SLX4IP: variants seen among roughly 807,000 people sequenced by gnomAD.
SLX4IP encodes the protein protein SLX4IP.
Under a neutral mutation model 32.9 loss-of-function variants are expected in SLX4IP, and 34 were observed. That is an observed-to-expected ratio of 1.03 (90% CI 0.79 to 1.38). The LOEUF is 1.38. SLX4IP is among the 40% of genes most tolerant of loss of function. The probability of loss-of-function intolerance (pLI) is 0.00; values close to 1 mark genes in which losing one functional copy is unlikely to be tolerated. For missense variants in SLX4IP, 444 were observed against 479.0 expected, an observed-to-expected ratio of 0.93 and a Z score of 0.68; for synonymous variants, 172 against 171.7, an observed-to-expected ratio of 1.00 and a Z score of -0.01.
intron 2 of SLX4IP, among the ~76,000 whole-genome samples, chr20:10,512,230 G>T (rs1600946345): frequency 2.0e-5 from 3 of 152,252 alleles, no homozygotes; most frequent in Non-Finnish European, 4.4e-5. Context: ...GCTGGGTTTT[G>T]ACCTTGGCTT....
At chr20:10,464,364 A>C (rs2065363222) in intron 2 of SLX4IP, among the ~76,000 whole-genome samples, 1 of 152,240 alleles carries the variant, frequency 6.6e-6, no homozygotes, top group South Asian at 2.1e-4. Flanking sequence ...GTGTCTATGC[A>C]TTAATATAAA....
chr20:10,550,786 C>A (rs376002584), intron 2 of SLX4IP, among the ~76,000 whole-genome samples: 78 of 152,326 alleles, frequency 5.1e-4, no homozygotes, highest in African/African-American at 1.7e-3. Flanking sequence ...ATTCATTTTT[C>A]CTTCTGCACT....
intron 2 of SLX4IP, among the ~76,000 whole-genome samples, chr20:10,508,439 C>T (rs1600942616): frequency 6.6e-6 from 1 of 152,188 alleles, no homozygotes; most frequent in Non-Finnish European, 1.5e-5. Context: ...AGGCTTATTC[C>T]TTTATTATAT....
chr20:10,475,456 G>A (rs188380899), intron 2 of SLX4IP, among the ~76,000 whole-genome samples: 7 of 152,294 alleles, frequency 4.6e-5, no homozygotes, highest in Admixed American at 6.5e-5. Context: ...AAGGGAGTGT[G>A]ACTGTCTCAG....
Position 10,623,124 on chromosome 20 carries a change from A to C in SLX4IP, c.972A>C (p.Ile324=), listed in dbSNP as rs751674725. Residue 324 remains isoleucine, a synonymous_variant, in exon 8 of 8, where the codon ATA becomes ATC. Transcript: ENST00000334534. ...GSDRLVPREI[I]VEKSKAVRVL... ...ATCGATTAGTCCCGAGAGAAATAAT[A>C]GTGGAAAAAAGCAAAGCTGTCAGGG... The C allele has an allele frequency of 1.9e-6, 3 of 1,614,216 alleles. No homozygotes were observed. Among genetic ancestry groups the C allele is most frequent in the Non-Finnish European group, 2.5e-6 (3 of 1,180,052 alleles).
chr20:10,584,197 A>G (rs1254618688), intron 4 of SLX4IP, among the ~76,000 whole-genome samples: 1 of 152,244 alleles, frequency 6.6e-6, no homozygotes, highest in East Asian at 1.9e-4. Flanking sequence ...AAGAAAACAA[A>G]GAAGGCATGA....
chr20:10,447,127 C>G (rs559220761), intron 1 of SLX4IP, among the ~76,000 whole-genome samples: 2 of 152,248 alleles, frequency 1.3e-5, no homozygotes, highest in South Asian at 4.1e-4. Context: ...TAGATATGAG[C>G]AGTTGTTTGA....
rs58812464 is a variant in SLX4IP at position 10,480,405 on chromosome 20, C to CAA, written c.27+22185_27+22186dup. ...TTTGGAAACAGCAGGACCCTGTTTCCAAAAAAAAAAAAGGAAAATCAGTCC... is the reference window on the plus strand; with the variant it reads ...TTTGGAAACAGCAGGACCCTGTTTCCAAAAAAAAAAAAAAGGAAAATCAGTCC... On this transcript the variant is annotated intron_variant, in intron 2 of 7. Transcript: ENST00000334534. 3.3e-3 allele frequency among the ~76,000 whole-genome samples: 408 copies of CAA among 124,420 alleles called. 3 individuals carry two copies. Among genetic ancestry groups the CAA allele is most frequent in the South Asian group, 0.027 (113 of 4,204 alleles). The allele number at this position is 124,420 out of a possible 152,430, so 81.6% of individuals were successfully genotyped here.
At chr20:10,463,301 A>G (rs1407776726) in intron 2 of SLX4IP, among the ~76,000 whole-genome samples, 2 of 152,328 alleles carry the variant, frequency 1.3e-5, no homozygotes, top group East Asian at 1.9e-4. Context: ...CTTCTCTGCT[A>G]TAGATAATTT....
At chr20:10,542,859 C>T (rs901499438) in intron 2 of SLX4IP, among the ~76,000 whole-genome samples, 1 of 152,164 alleles carries the variant, frequency 6.6e-6, no homozygotes, top group African/African-American at 2.4e-5. Context: ...TTTGCTACCC[C>T]AGATATGCAC....
chr20:10,621,098 G>T (rs1208557842), intron 6 of SLX4IP, among the ~76,000 whole-genome samples: 2 of 152,146 alleles, frequency 1.3e-5, no homozygotes, highest in Admixed American at 6.5e-5. Context: ...TGTTTATGAC[G>T]CATGTTAATG....
At chr20:10,588,135 GA>G (rs199848738) in intron 4 of SLX4IP, among the ~76,000 whole-genome samples, 3 of 149,972 alleles carry the variant, frequency 2.0e-5, no homozygotes, top group Admixed American at 6.6e-5. Flanking sequence ...CAATAGCAAA[GA>G]AAAAAAAGGA....
intron 1 of SLX4IP, among the ~76,000 whole-genome samples, chr20:10,436,320 A>G (rs572918369): frequency 5.3e-5 from 8 of 152,156 alleles, no homozygotes; most frequent in Middle Eastern, 3.4e-3. Flanking sequence ...TTCAAGGAAC[A>G]TTGATTCAGG....
intron 4 of SLX4IP, among the ~76,000 whole-genome samples, chr20:10,572,042 C>G (rs969819682): frequency 3.3e-5 from 5 of 152,162 alleles, no homozygotes; most frequent in Non-Finnish European, 7.3e-5. Context: ...TACCGAGCGT[C>G]CACCCCTCGG....
At chr20:10,614,074 C>T (rs943580736) in intron 6 of SLX4IP, 6 of 1,543,178 alleles carry the variant, frequency 3.9e-6, no homozygotes, top group Admixed American at 1.8e-5. Flanking sequence ...TTGTCGCCCT[C>T]GCCCACCCGG....
rs559634704 is a variant in SLX4IP, at chr20:10,607,830, C to T, written c.405+6011C>T. On this transcript the variant is annotated intron_variant, in intron 6 of 7. Coordinates refer to ENST00000334534, the MANE Select transcript of SLX4IP (RefSeq NM_001009608.3). ...AAGATTGTCTTTTGCTTGTATATTA[C>T]AGTAACCTGAGTTCTCTTTTGTTAA... 3.3e-5 allele frequency among the ~76,000 whole-genome samples: 5 copies of T among 152,098 alleles called. No individual in the cohort carries two copies. The South Asian group carries it at 8.3e-4, about 25-fold the overall frequency.
At chr20:10,608,673 C>CAA (rs560866110) in intron 6 of SLX4IP, among the ~76,000 whole-genome samples, 1,854 of 60,272 alleles carry the variant, frequency 0.031, 43 homozygotes, top group Admixed American at 0.087. Context: ...TACTCTGTCT[C>CAA]AAAAAAAAAA....
chr20:10,474,548 G>A (rs2065457243), intron 2 of SLX4IP, among the ~76,000 whole-genome samples: 1 of 152,018 alleles, frequency 6.6e-6, no homozygotes, highest in Non-Finnish European at 1.5e-5. Context: ...CATCTCTGTG[G>A]AGTTTTTTCC....
chr20:10,447,092 G>A (rs1384126282), intron 1 of SLX4IP, among the ~76,000 whole-genome samples: 1 of 152,072 alleles, frequency 6.6e-6, no homozygotes, highest in East Asian at 1.9e-4. Flanking sequence ...GTATGAGATC[G>A]AGTCCAATTT....
Sources: gnomAD v4.1 joint callset for allele counts (sites outside exome capture counted in the v4.1 genomes callset) on GRCh38, gnomAD v4.1.1 for gene constraint, MANE v1.5 for transcripts, NCBI Gene and HGNC (gene_info 2026-07-23, HGNC 2026-07-21) for gene names.